TTLL7: variants seen among roughly 807,000 people sequenced by gnomAD.
The protein encoded by TTLL7 is tubulin tyrosine ligase like 7.
A neutral mutation model predicts 120.2 loss-of-function variants in TTLL7; 53 were observed. That is an observed-to-expected ratio of 0.44 (90% CI 0.35 to 0.55). The LOEUF is 0.55. Ranked by LOEUF, TTLL7 falls within the 20% of genes least tolerant of loss-of-function variation. The pLI is 0.00. For missense variants in TTLL7, 803 were observed against 1,054.7 expected, an observed-to-expected ratio of 0.76 and a Z score of 3.31; for synonymous variants, 353 against 351.7, an observed-to-expected ratio of 1.00 and a Z score of -0.04.
chr1:83,919,886 A>C, intron 12 of TTLL7, 52 bp from the exon 13 acceptor site: 7 of 1,554,258 alleles, frequency 4.5e-6, no homozygotes, highest in Admixed American at 1.7e-5. Flanking sequence ...GTCGTAGCTC[A>C]ATAGTTAACA....
At chr1:83,997,901 T>C (rs1348233369) in intron 1 of TTLL7, among the ~76,000 whole-genome samples, 7 of 152,240 alleles carry the variant, frequency 4.6e-5, no homozygotes, top group African/African-American at 1.7e-4. Flanking sequence ...TGTAGTGTTG[T>C]TCACATATTT....
Position 83,999,098 on chromosome 1 carries a change from C to A in TTLL7, c.-344G>T. The A allele has an allele frequency of 2.3e-6, 1 of 441,580 alleles. No individual in the cohort carries two copies. The highest frequency in any genetic ancestry group is 6.9e-4 in the Middle Eastern group (1 of 1,450). The allele number at this position is 441,580 out of a possible 1,614,324, so 27.4% of individuals were successfully genotyped here. ...CCCACCGCCCGTGGCAGCCACGGCT[C>A]GGGACTCCGGTGCTCGACGCGGAGT... On this transcript the variant is annotated 5_prime_UTR_variant, in exon 1 of 21. Transcript: ENST00000260505.
In TTLL7 at chr1:83,890,475, C is replaced by A. The variant is rs1655374986; in HGVS notation, c.2215G>T (p.Asp739Tyr). 6.2e-7 allele frequency: 1 copy of A among 1,608,044 alleles called. No homozygotes were observed. The highest frequency in any genetic ancestry group is 8.5e-7 in the Non-Finnish European group (1 of 1,177,858). ...GTACGAATACTTGTTTTCACTATGT[C>A]CAAAACCTAGTGGAAAAACCAAAGT... Reference protein sequence around the residue: ...LDSVKQRKVLDIVKTSIRTVL... With the variant: ...LDSVKQRKVLYIVKTSIRTVL... Residue 739 changes from aspartate to tyrosine, a missense_variant, in exon 19 of 21, where the codon GAC becomes TAC. By Grantham distance (160) the Asp-to-Tyr change is radical (BLOSUM62 -3). This residue lies in a region of TTLL7 where 388 missense variants were observed against 450.4 expected (regional missense o/e 0.86). Coordinates refer to ENST00000260505, the MANE Select transcript of TTLL7 (RefSeq NM_024686.6).
chr1:83,929,303 A>C, intron 9 of TTLL7, 73 bp from the exon 10 acceptor site: 1 of 1,140,794 alleles, frequency 8.8e-7, no homozygotes. Flanking sequence ...CCAATGTGGG[A>C]TCTCTAGCCA....
chr1:83,919,621 G>T, intron 13 of TTLL7, 78 bp downstream of exon 13: 4 of 1,295,934 alleles, frequency 3.1e-6, no homozygotes, highest in South Asian at 1.8e-5. Context: ...TTTATATGTC[G>T]GACCAAGGTG....
Position 83,949,925 on chromosome 1 carries a change from A to G in TTLL7, c.219T>C (p.Asn73=). 6 of 1,613,674 alleles carry G rather than the reference A, an allele frequency of 3.7e-6. No homozygotes were observed. Among genetic ancestry groups the G allele is most frequent in the Non-Finnish European group, 5.1e-6 (6 of 1,179,880 alleles). The change falls in exon 4 of 21, where the codon AAT becomes AAC. Residue 73 remains asparagine, a synonymous_variant. Transcript: ENST00000260505. ...MKTPDEDETS[N]LIWCDSAVQQ... ...GAACAGCAGAATCACACCATATAAGATTACTTGTTTCATCCTCATCTGGAG... is the reference window on the plus strand; with the variant it reads ...GAACAGCAGAATCACACCATATAAGGTTACTTGTTTCATCCTCATCTGGAG...
At chr1:83,940,455 T>A (rs1386799692) in intron 7 of TTLL7, among the ~76,000 whole-genome samples, 1 of 152,108 alleles carries the variant, frequency 6.6e-6, no homozygotes, top group African/African-American at 2.4e-5. Context: ...CATTTGGAGG[T>A]CACATAGGCC....
intron 19 of TTLL7, among the ~76,000 whole-genome samples, chr1:83,887,557 TG>T (rs1456424600): frequency 6.6e-6 from 1 of 152,062 alleles, no homozygotes; most frequent in Non-Finnish European, 1.5e-5. Context: ...ACTACTAAAT[TG>T]AAAGAAGTAG....
At chr1:83,990,381 T>C (rs1652879961) in intron 1 of TTLL7, among the ~76,000 whole-genome samples, 1 of 152,108 alleles carries the variant, frequency 6.6e-6, no homozygotes, top group Admixed American at 6.5e-5. Flanking sequence ...TTCACCTTGT[T>C]AGCCAGGATG....
chr1:83,884,277 C>A (rs1230430436), intron 19 of TTLL7, among the ~76,000 whole-genome samples: 1 of 151,824 alleles, frequency 6.6e-6, no homozygotes, highest in East Asian at 1.9e-4. Context: ...AACCAATTCA[C>A]ATAACCCTCA....
At chr1:83,986,913 T>A (rs1285903467) in intron 1 of TTLL7, among the ~76,000 whole-genome samples, 1 of 152,118 alleles carries the variant, frequency 6.6e-6, no homozygotes, top group African/African-American at 2.4e-5. Flanking sequence ...TACAGGAAGT[T>A]CCAGCCATTG....
At chr1:83,941,684 T>C (rs1647980334) in intron 7 of TTLL7, among the ~76,000 whole-genome samples, 3 of 152,188 alleles carry the variant, frequency 2.0e-5, no homozygotes, top group Admixed American at 6.5e-5. Context: ...ATTCCAAAAA[T>C]AGGTTTAGAG....
chr1:83,972,066 C>A (rs1651044490), intron 1 of TTLL7, among the ~76,000 whole-genome samples: 1 of 151,992 alleles, frequency 6.6e-6, no homozygotes, highest in Admixed American at 6.6e-5. Context: ...CAACATCCAC[C>A]ACCAGAGTGA....
At chr1:83,882,178 T>C (rs1654561578) in intron 20 of TTLL7, among the ~76,000 whole-genome samples, 1 of 151,460 alleles carries the variant, frequency 6.6e-6, no homozygotes, top group East Asian at 1.9e-4. Context: ...GCATGGCACA[T>C]GTATACATAT....
intron 18 of TTLL7, among the ~76,000 whole-genome samples, chr1:83,892,429 CATATATATGAACAT>C (rs1655652822): frequency 8.7e-6 from 1 of 114,386 alleles, no homozygotes; most frequent in Non-Finnish European, 1.9e-5. Context: ...TATATATGAA[CATATATATGAACAT>C]ATGAATGAAC....
chr1:83,892,657 A>AATGAACATATATATGAACAT (rs1407519910), intron 18 of TTLL7, among the ~76,000 whole-genome samples: 1 of 117,504 alleles, frequency 8.5e-6, no homozygotes, highest in African/African-American at 2.8e-5. Context: ...TGAACATATG[A>AATGAACATATATATGAACAT]ATGAACATAT....
At chr1:83,888,249 A>G (rs1655131399) in intron 19 of TTLL7, among the ~76,000 whole-genome samples, 1 of 152,034 alleles carries the variant, frequency 6.6e-6, no homozygotes, top group South Asian at 2.1e-4. Context: ...ACCAACAGAA[A>G]AAAAACATTT....
intron 1 of TTLL7, among the ~76,000 whole-genome samples, chr1:83,959,932 T>G (rs1453431002): frequency 6.6e-6 from 1 of 152,102 alleles, no homozygotes; most frequent in Non-Finnish European, 1.5e-5. Flanking sequence ...TTCTTATAAA[T>G]TATGAAATAA....
At chr1:83,906,786 T>A (rs1657233872) in intron 16 of TTLL7, among the ~76,000 whole-genome samples, 1 of 152,042 alleles carries the variant, frequency 6.6e-6, no homozygotes, top group Non-Finnish European at 1.5e-5. Flanking sequence ...GAAAAAAAAA[T>A]TCATTGTTAC....
Sources: allele counts gnomAD v4.1 joint callset (sites outside exome capture counted in the v4.1 genomes callset), GRCh38; gene constraint gnomAD v4.1.1; regional missense constraint gnomAD v4.1.1; transcripts MANE v1.5; gene names NCBI Gene and HGNC (gene_info 2026-07-23, HGNC 2026-07-21).